The following POU6F2 variants were observed in gnomAD, a reference collection of about 807,000 sequenced individuals.
POU6F2 encodes POU domain, class 6, transcription factor 2.
A neutral mutation model predicts 71.3 loss-of-function variants in POU6F2; 31 were observed. The ratio of observed to expected loss-of-function variants is 0.43; its 90% CI spans 0.33 to 0.59. The LOEUF (loss-of-function observed/expected upper bound fraction) is 0.59, where lower values mean the gene tolerates loss of function less well. Among genes scored for constraint, POU6F2 ranks in the 20% least tolerant of loss-of-function variants. The pLI is 0.04. For synonymous variants in POU6F2, 347 were observed against 355.7 expected, an observed-to-expected ratio of 0.98 and a Z score of 0.27; for missense variants, 783 against 856.8, an observed-to-expected ratio of 0.91 and a Z score of 1.07.
chr7:39,107,779 A>G (rs541368328), intron 2 of POU6F2, among the ~76,000 whole-genome samples: 1 of 152,248 alleles, frequency 6.6e-6, no homozygotes, highest in Non-Finnish European at 1.5e-5. Flanking sequence ...GGAGAAGCAG[A>G]CACCCAAACC....
intron 1 of POU6F2, among the ~76,000 whole-genome samples, chr7:39,061,588 A>G (rs890449575): frequency 6.6e-6 from 1 of 152,208 alleles, no homozygotes. Context: ...AAGTGTTGAC[A>G]TATTTTATTA....
chr7:39,393,362 C>T (rs558801282), intron 5 of POU6F2, among the ~76,000 whole-genome samples: 1 of 152,138 alleles, frequency 6.6e-6, no homozygotes, highest in Non-Finnish European at 1.5e-5. Flanking sequence ...ACCTCTGGCA[C>T]GGGTGTGGCA....
chr7:39,178,411 A>G (rs1793371961), intron 2 of POU6F2, among the ~76,000 whole-genome samples: 1 of 152,168 alleles, frequency 6.6e-6, no homozygotes, highest in South Asian at 2.1e-4. Context: ...CTATAATTTG[A>G]TTATAAAAGT....
At chr7:39,074,115 A>G (rs1790945276) in intron 1 of POU6F2, among the ~76,000 whole-genome samples, 1 of 152,182 alleles carries the variant, frequency 6.6e-6, no homozygotes, top group South Asian at 2.1e-4. Context: ...TTAAGAGCCC[A>G]TGACTGGCAG....
At chr7:39,240,180 G>C (rs950939403) in intron 4 of POU6F2, among the ~76,000 whole-genome samples, 6 of 152,060 alleles carry the variant, frequency 3.9e-5, no homozygotes, top group African/African-American at 1.4e-4. Flanking sequence ...TGACATCTTT[G>C]TTTGTACCGG....
chr7:39,226,679 A>G (rs947509489), intron 4 of POU6F2, among the ~76,000 whole-genome samples: 1 of 152,188 alleles, frequency 6.6e-6, no homozygotes, highest in Non-Finnish European at 1.5e-5. Flanking sequence ...TGGTAAATTT[A>G]TATCTTCCTG....
At chr7:39,429,990 T>C (rs1196488852) in intron 6 of POU6F2, among the ~76,000 whole-genome samples, 3 of 152,312 alleles carry the variant, frequency 2.0e-5, no homozygotes, top group Non-Finnish European at 2.9e-5. Flanking sequence ...CCCGGTTCCA[T>C]TCTTGCGACC....
At position 39,121,568 on chromosome 7, in the gene POU6F2, A is replaced by G. The variant is rs529855920; in HGVS notation, c.277+35537A>G. Among the ~76,000 whole-genome samples the G allele has an allele frequency of 5.1e-4, 77 of 152,288 alleles. No individual in the cohort carries two copies. In the South Asian group the frequency reaches 0.016, roughly 32 times the overall value. On this transcript the variant is annotated intron_variant, in intron 2 of 9. Transcript: ENST00000518318. ...CATTATCTTGTAGTAGGTACATACT[A>G]TATTTGCTGTTTTCTTTTTTAATTT...
At chr7:39,387,143 A>G (rs778455005) in intron 5 of POU6F2, among the ~76,000 whole-genome samples, 19 of 152,180 alleles carry the variant, frequency 1.2e-4, no homozygotes, top group Non-Finnish European at 1.8e-4. Flanking sequence ...ACCCAGGGTC[A>G]CCCACTGGAT....
intron 5 of POU6F2, chr7:39,406,291 A>G: frequency 2.9e-6 from 1 of 348,592 alleles, no homozygotes; most frequent in South Asian, 4.5e-5. Context: ...GGCTTCTGCG[A>G]AATCATTTCT....
chr7:39,208,146 G>A (rs1794061368), intron 4 of POU6F2, among the ~76,000 whole-genome samples: 1 of 152,176 alleles, frequency 6.6e-6, no homozygotes, highest in East Asian at 1.9e-4. Flanking sequence ...ATTTTGCAAT[G>A]AGAAAAATAG....
chr7:39,137,994 T>A (rs1049384621), intron 2 of POU6F2, among the ~76,000 whole-genome samples: 5 of 152,224 alleles, frequency 3.3e-5, no homozygotes, highest in African/African-American at 7.2e-5. Context: ...GGTGTCATCA[T>A]GTGTATTACA....
Position 39,162,928 on chromosome 7 carries a change from C to G in POU6F2, c.278-41307C>G, listed in dbSNP as rs558802647. Among the ~76,000 whole-genome samples, 5 of 152,288 alleles carry G rather than the reference C, an allele frequency of 3.3e-5. No homozygotes were observed. The South Asian group carries it at 1.0e-3, about 32-fold the overall frequency. The stretch of plus-strand genomic sequence containing the variant: ...GTTTGTCATATCATTCTAGGGACGA[C>G]TGGGGCATGAACAAAGTTAGAACCT... On this transcript the variant is annotated intron_variant, in intron 2 of 9. Coordinates refer to ENST00000518318, the MANE Select transcript of POU6F2 (RefSeq NM_001370959.1).
rs1786915748 is a variant in POU6F2 at position 39,385,382 on chromosome 7, G to C, written c.973-21218G>C. 2.6e-5 allele frequency among the ~76,000 whole-genome samples: 4 copies of C among 152,190 alleles called. No homozygotes were observed. In the South Asian group the frequency reaches 8.3e-4, roughly 32 times the overall value. ...AGGGGCAGAGGGAGGAAGTAAAGAT[G>C]AATAAGACATGGTCTCTGCTCCTGA... On this transcript the variant is annotated intron_variant, in intron 5 of 9. Coordinates refer to ENST00000518318, the MANE Select transcript of POU6F2 (RefSeq NM_001370959.1).
chr7:39,226,331 T>G (rs1275623156), intron 4 of POU6F2, among the ~76,000 whole-genome samples: 1 of 152,208 alleles, frequency 6.6e-6, no homozygotes, highest in African/African-American at 2.4e-5. Context: ...TATAGGATTG[T>G]GTTCAGTGGA....
intron 2 of POU6F2, among the ~76,000 whole-genome samples, chr7:39,181,206 A>G (rs575793510): frequency 9.3e-5 from 13 of 139,688 alleles, no homozygotes; most frequent in African/African-American, 2.0e-4. Flanking sequence ...GGATTGTCAC[A>G]TCCCCCAGAT....
intron 2 of POU6F2, among the ~76,000 whole-genome samples, chr7:39,138,376 C>T (rs1054707696): frequency 2.6e-5 from 4 of 152,328 alleles, no homozygotes; most frequent in Admixed American, 2.6e-4. Context: ...GCAACCAGGC[C>T]TCACAGCAGG....
At chr7:39,446,741 G>A (rs1478933770) in intron 7 of POU6F2, among the ~76,000 whole-genome samples, 2 of 152,244 alleles carry the variant, frequency 1.3e-5, no homozygotes, top group African/African-American at 4.8e-5. Flanking sequence ...GTCATTCTGT[G>A]TGTGGGATGG....
chr7:39,006,184 C>G (rs1789062679), intron 1 of POU6F2, among the ~76,000 whole-genome samples: 1 of 152,124 alleles, frequency 6.6e-6, no homozygotes, highest in African/African-American at 2.4e-5. Flanking sequence ...TACAGTTGGG[C>G]CGGGCGCGGT....
Sources: gnomAD v4.1 joint callset for allele counts (sites outside exome capture counted in the v4.1 genomes callset) on GRCh38, gnomAD v4.1.1 for gene constraint, MANE v1.5 for transcripts, NCBI Gene and HGNC (gene_info 2026-07-23, HGNC 2026-07-21) for gene names.